POU3F2: variants seen among roughly 807,000 people sequenced by gnomAD.
POU3F2 encodes the protein POU class 3 homeobox 2.
A neutral mutation model predicts 33.1 loss-of-function variants in POU3F2; 11 were observed. The ratio of observed to expected loss-of-function variants is 0.33; its 90% CI spans 0.21 to 0.55. The LOEUF (loss-of-function observed/expected upper bound fraction) is 0.55, where lower values mean the gene tolerates loss of function less well. POU3F2 is among the 20% of genes least tolerant of loss of function. POU3F2 has a pLI of 0.91. For synonymous variants in POU3F2, 332 were observed against 289.6 expected (o/e 1.15, Z -1.49); for missense variants, 456 against 620.2 (o/e 0.74, Z 2.81).
rs1770035494 is a variant in POU3F2, at chr6:98,838,874, A to G, written c.*2669A>G. ...AAGTTTTAAGGGGGGAAAACCCTAG[A>G]CCTTAAATTGACTGAGTTGAGTTGT... On this transcript the variant is annotated 3_prime_UTR_variant, in exon 1 of 1. Transcript: ENST00000328345. 6.6e-6 allele frequency: 1 copy of G among 152,668 alleles called. No homozygotes were observed. The highest frequency in any genetic ancestry group is 1.5e-5 in the Non-Finnish European group (1 of 68,040). The allele number at this position is 152,668 out of a possible 1,614,324, so 9.5% of individuals were successfully genotyped here.
At position 98,838,669 on chromosome 6, in the gene POU3F2, T is replaced by TA. The variant is rs1196802397; in HGVS notation, c.*2470dup. ...GATGTAATTTTTTTGTTCAGTCTCT[T>TA]AAAAAATACTTTGTTTTGGTACATT... On this transcript the variant is annotated 3_prime_UTR_variant, in exon 1 of 1. Coordinates refer to ENST00000328345, the MANE Select transcript of POU3F2 (RefSeq NM_005604.4). 2 of 166,202 alleles carry TA rather than the reference T, an allele frequency of 1.2e-5. No individual in the cohort carries two copies. Among genetic ancestry groups the TA allele is most frequent in the African/African-American group, 4.8e-5 (2 of 41,554 alleles). The allele number at this position is 166,202 out of a possible 1,614,324, so 10.3% of individuals were successfully genotyped here.
In POU3F2 at chr6:98,835,230, C is replaced by T. The variant is rs1416903989; in HGVS notation, c.357C>T (p.His119=). The change falls in exon 1 of 1, where the codon CAC becomes CAT. Residue 119 remains histidine (H), a synonymous_variant. Transcript: ENST00000328345. This position sits in a 1 kb window ranked among gnomAD's most constrained non-coding sequence, Gnocchi z 9.7. ...AGGGCGGCCGCGGAGACGAGCTGCA[C>T]GGGCCAGGCGCCCTGCAGCAGCAGC... The part of the protein sequence containing the change: ...VQQGGRGDEL[H]GPGALQQQHQ... 4 of 1,531,534 alleles carry T rather than the reference C, an allele frequency of 2.6e-6. No homozygotes were observed. The highest frequency in any genetic ancestry group is 2.0e-5 in the Admixed American group (1 of 49,920). The allele number at this position is 1,531,534 out of a possible 1,614,324, so 94.9% of individuals were successfully genotyped here. A position where few individuals can be genotyped will look rare whatever the true frequency, so the allele number is the denominator to read the frequency against.
At position 98,834,871 on chromosome 6, in the gene POU3F2, G is replaced by C; in HGVS notation, c.-3G>C. On this transcript the variant is annotated 5_prime_UTR_variant, in exon 1 of 1. Transcript: ENST00000328345. ...CGGAGCGCTCAGTCCGGCTCCGAGA[G>C]TCATGGCGACCGCAGCGTCTAACCA... The C allele has an allele frequency of 6.3e-7, 1 of 1,597,276 alleles. No individual in the cohort carries two copies. The highest frequency in any genetic ancestry group is 8.5e-7 in the Non-Finnish European group (1 of 1,178,424).
In POU3F2 at chr6:98,839,368, C is replaced by A. The variant is rs939030149; in HGVS notation, c.*3163C>A. ...CAAATATCTCTTAACAAAGAATAAC[C>A]CTGATAGTATACTATTGTGAGTTTA... On this transcript the variant is annotated 3_prime_UTR_variant, in exon 1 of 1. Coordinates refer to ENST00000328345, the MANE Select transcript of POU3F2 (RefSeq NM_005604.4). 3.3e-5 allele frequency: 5 copies of A among 151,966 alleles called. No homozygotes were observed. Among genetic ancestry groups the A allele is most frequent in the African/African-American group, 9.7e-5 (4 of 41,364 alleles). 9.4% of individuals were successfully genotyped at this position (151,966 alleles called of 1,614,324 possible).
Position 98,836,382 on chromosome 6 carries a change from G to T in POU3F2, c.*177G>T. 1.3e-6 allele frequency: 1 copy of T among 777,870 alleles called. No individual in the cohort carries two copies. Among genetic ancestry groups the T allele is most frequent in the Non-Finnish European group, 1.9e-6 (1 of 512,982 alleles). 48.2% of individuals were successfully genotyped at this position (777,870 alleles called of 1,614,324 possible). A position where few individuals can be genotyped will look rare whatever the true frequency, so the allele number is the denominator to read the frequency against. On this transcript the variant is annotated 3_prime_UTR_variant, in exon 1 of 1. Coordinates refer to ENST00000328345, the MANE Select transcript of POU3F2 (RefSeq NM_005604.4). ...GCAAAAGGAAAGCAACTAAGACACT[G>T]GACTATCCTTTAAAGGTAGCAGGTG...
In POU3F2 at chr6:98,834,775, G is replaced by A. The variant is rs1769966087; in HGVS notation, c.-99G>A. The A allele has an allele frequency of 7.5e-7, 1 of 1,341,880 alleles. No individual in the cohort carries two copies. Among genetic ancestry groups the A allele is most frequent in the Non-Finnish European group, 1.0e-6 (1 of 990,766 alleles). 83.1% of individuals were successfully genotyped at this position (1,341,880 alleles called of 1,614,324 possible). The stretch of plus-strand genomic sequence containing the variant: ...GCTGCCCGCTGTGGGAGAGAGAGGA[G>A]ACAGAAAGAGCGAGCGAGGAGAGGG... On this transcript the variant is annotated 5_prime_UTR_variant, in exon 1 of 1. Coordinates refer to ENST00000328345, the MANE Select transcript of POU3F2 (RefSeq NM_005604.4).
In POU3F2 at chr6:98,836,215, G is replaced by A. The variant is rs758669972; in HGVS notation, c.*10G>A. 1.3e-6 allele frequency: 2 copies of A among 1,558,992 alleles called. No individual in the cohort carries two copies. Among genetic ancestry groups the A allele is most frequent in the South Asian group, 2.5e-5 (2 of 80,586 alleles). On this transcript the variant is annotated 3_prime_UTR_variant, in exon 1 of 1. Coordinates refer to ENST00000328345, the MANE Select transcript of POU3F2 (RefSeq NM_005604.4). ...GACGCCCGTCCAGTGAACTCGAGCT[G>A]GGGGAGGGGCAGAGCGCGGGGCTCC...
Position 98,835,455 on chromosome 6 carries a change from C to T in POU3F2, c.582C>T (p.Ser194=), listed in dbSNP as rs756856767. Residue 194 remains serine (S), a synonymous_variant, in exon 1 of 1, where the codon AGC becomes AGT. Transcript: ENST00000328345. The surrounding 1 kb of genome is among the most constrained non-coding windows in gnomAD (Gnocchi z 9.7). ...GCGGCTTGCTCTACTCGCAGCCCAG[C>T]TTCACGGTGAACGGCATGCTGGGCG... ...SNGGLLYSQP[S]FTVNGMLGAG... is the part of the protein sequence containing the mutation. The T allele has an allele frequency of 3.8e-6, 6 of 1,584,526 alleles. No homozygotes were observed. In the East Asian group the frequency reaches 1.4e-4, roughly 37 times the overall value.
Position 98,834,725 on chromosome 6 carries a change from A to G in POU3F2, c.-149A>G. ...CAGCAGTAATAGCAGGAGCAGCAAC[A>G]GAAGGCGTCGGAGCGGGCGTCGGAG... On this transcript the variant is annotated 5_prime_UTR_variant, in exon 1 of 1. Transcript: ENST00000328345. The G allele has an allele frequency of 1.2e-6, 1 of 838,476 alleles. No homozygotes were observed. Among genetic ancestry groups the G allele is most frequent in the Non-Finnish European group, 1.8e-6 (1 of 558,234 alleles). The allele number at this position is 838,476 out of a possible 1,614,324, so 51.9% of individuals were successfully genotyped here. A position where few individuals can be genotyped will look rare whatever the true frequency, so the allele number is the denominator to read the frequency against.
Position 98,835,432 on chromosome 6 carries a change from G to T in POU3F2, c.559G>T (p.Gly187Cys). Residue 187 changes from glycine to cysteine, a missense_variant, in exon 1 of 1, where the codon GGC (glycine) becomes TGC (cysteine). Transcript: ENST00000328345. The surrounding 1 kb of genome is among the most constrained non-coding windows in gnomAD (Gnocchi z 9.7). ...ACCCTCCATGGGAGCGTCCAACGGCGGCTTGCTCTACTCGCAGCCCAGCTT... is the reference window on the plus strand; with the variant it reads ...ACCCTCCATGGGAGCGTCCAACGGCTGCTTGCTCTACTCGCAGCCCAGCTT... ...LPPSMGASNG[G>C]LLYSQPSFTV... 1 of 1,587,920 alleles carries T rather than the reference G, an allele frequency of 6.3e-7. No homozygotes were observed. The highest frequency in any genetic ancestry group is 1.1e-5 in the South Asian group (1 of 88,036).
rs1769963956 is a variant in POU3F2 at position 98,834,667 on chromosome 6, A to AGGGC, written c.-199_-196dup. On this transcript the variant is annotated 5_prime_UTR_variant, in exon 1 of 1. Transcript: ENST00000328345. The stretch of plus-strand genomic sequence containing the variant: ...GAGGGAGAGGAGGAGAAAGAGAGCG[A>AGGGC]GGGCGGGCGGGAGGCGGCGGCGGCG... The AGGGC allele has an allele frequency of 1.7e-6, 1 of 598,052 alleles. No individual in the cohort carries two copies. Among genetic ancestry groups the AGGGC allele is most frequent in the Non-Finnish European group, 2.9e-6 (1 of 343,814 alleles). 37.0% of individuals were successfully genotyped at this position (598,052 alleles called of 1,614,324 possible).
rs1447262557 is a variant in POU3F2 at position 98,835,064 on chromosome 6, C to T, written c.191C>T (p.Ala64Val). 7.9e-7 allele frequency: 1 copy of T among 1,270,644 alleles called. No individual in the cohort carries two copies. 78.7% of individuals were successfully genotyped at this position (1,270,644 alleles called of 1,614,324 possible). A position where few individuals can be genotyped will look rare whatever the true frequency, so the allele number is the denominator to read the frequency against. Residue 64 changes from alanine to valine, a missense_variant, in exon 1 of 1, where the codon GCG becomes GTG. This residue lies in a region of POU3F2 where 341 missense variants were observed against 382.4 expected (regional missense o/e 0.89). Coordinates refer to ENST00000328345, the MANE Select transcript of POU3F2 (RefSeq NM_005604.4). This position sits in a 1 kb window ranked among gnomAD's most constrained non-coding sequence, Gnocchi z 9.7. ...PLSHAHQWIT[A>V]LSHGGGGGGG... ...AGCCACGCTCACCAGTGGATCACCG[C>T]GCTGTCCCACGGCGGCGGCGGCGGG...
Position 98,834,924 on chromosome 6 carries a change from C to T in POU3F2, c.51C>T (p.Ser17=), listed in dbSNP as rs2128367709. 6.2e-7 allele frequency: 1 copy of T among 1,600,528 alleles called. No individual in the cohort carries two copies. Among genetic ancestry groups the T allele is most frequent in the Non-Finnish European group, 8.5e-7 (1 of 1,179,426 alleles). ...NHYSLLTSSA[S]IVHAEPPGGM... is the part of the protein sequence containing the mutation. ...ACAGCCTGCTCACCTCCAGCGCCTCCATCGTGCACGCCGAGCCGCCCGGCG... is the reference window on the plus strand; with the variant it reads ...ACAGCCTGCTCACCTCCAGCGCCTCTATCGTGCACGCCGAGCCGCCCGGCG... The change falls in exon 1 of 1, where the codon TCC becomes TCT. Residue 17 remains serine, a synonymous_variant. Transcript: ENST00000328345.
Position 98,835,296 on chromosome 6 carries a change from ACAGCAGCAGCAG to A in POU3F2, c.432_443del (p.Gln146_Gln149del). ...AGCAACAGCAGCAGCAACAGCAGCA[ACAGCAGCAGCAG>A]CAGCAGCAACAGCGGCCGCCGCATC... On this transcript the variant is annotated inframe_deletion, in exon 1 of 1. Transcript: ENST00000328345. This position sits in a 1 kb window ranked among gnomAD's most constrained non-coding sequence, Gnocchi z 9.7. The A allele has an allele frequency of 6.5e-7, 1 of 1,544,434 alleles. No homozygotes were observed.
Position 98,837,102 on chromosome 6 carries a change from G to A in POU3F2, c.*897G>A, listed in dbSNP as rs1770009603. ...GTTTGGAATATAAAAATAAGCATTGGTTGTTCTTACCAGCCACAAAGTAAA... is the reference window on the plus strand; with the variant it reads ...GTTTGGAATATAAAAATAAGCATTGATTGTTCTTACCAGCCACAAAGTAAA... On this transcript the variant is annotated 3_prime_UTR_variant, in exon 1 of 1. Coordinates refer to ENST00000328345, the MANE Select transcript of POU3F2 (RefSeq NM_005604.4). 1 of 167,056 alleles carries A rather than the reference G, an allele frequency of 6.0e-6. No individual in the cohort carries two copies. The allele number at this position is 167,056 out of a possible 1,614,324, so 10.3% of individuals were successfully genotyped here. A position where few individuals can be genotyped will look rare whatever the true frequency, so the allele number is the denominator to read the frequency against.
Position 98,835,155 on chromosome 6 carries a change from C to T in POU3F2, c.282C>T (p.Ser94=). Residue 94 remains serine (S), a synonymous_variant, in exon 1 of 1, where the codon TCC becomes TCT. Coordinates refer to ENST00000328345, the MANE Select transcript of POU3F2 (RefSeq NM_005604.4). This position sits in a 1 kb window ranked among gnomAD's most constrained non-coding sequence, Gnocchi z 9.7. The part of the protein sequence containing the change: ...GGGGGDGSPW[S]TSPLGQPDIK... ...GCGGCGGCGACGGCTCCCCGTGGTC[C>T]ACCAGCCCCCTGGGCCAGCCGGACA... 7.1e-7 allele frequency: 1 copy of T among 1,403,910 alleles called. No individual in the cohort carries two copies. The highest frequency in any genetic ancestry group is 9.3e-7 in the Non-Finnish European group (1 of 1,077,060). 87.0% of individuals were successfully genotyped at this position (1,403,910 alleles called of 1,614,324 possible).
In POU3F2 at chr6:98,834,962, G is replaced by T; in HGVS notation, c.89G>T (p.Gly30Val). ...GAGCCGCCCGGCGGCATGCAGCAGG[G>T]CGCGGGGGGCTACCGCGAAGCGCAG... ...HAEPPGGMQQ[G>V]AGGYREAQSL... Residue 30 changes from glycine (G) to valine (V), a missense_variant, in exon 1 of 1, where the codon GGC (glycine) becomes GTC (valine). Coordinates refer to ENST00000328345, the MANE Select transcript of POU3F2 (RefSeq NM_005604.4). 1 of 1,599,424 alleles carries T rather than the reference G, an allele frequency of 6.3e-7. No homozygotes were observed.
chr6:98,835,122 C>A lies in POU3F2; in HGVS notation c.249C>A (p.Gly83=). Residue 83 remains glycine, a synonymous_variant, in exon 1 of 1, where the codon GGC becomes GGA. Coordinates refer to ENST00000328345, the MANE Select transcript of POU3F2 (RefSeq NM_005604.4). The surrounding 1 kb of genome is among the most constrained non-coding windows in gnomAD (Gnocchi z 9.7). ...GCGGCGGCGGGGGGGGCGGGGGCGGCGGCGGGGGCGGCGGCGACGGCTCCC... is the reference window on the plus strand; with the variant it reads ...GCGGCGGCGGGGGGGGCGGGGGCGGAGGCGGGGGCGGCGGCGACGGCTCCC... ...GGGGGGGGGG[G]GGGGGDGSPW... 1 of 1,188,672 alleles carries A rather than the reference C, an allele frequency of 8.4e-7. No homozygotes were observed. The highest frequency in any genetic ancestry group is 1.0e-6 in the Non-Finnish European group (1 of 961,410). 73.6% of individuals were successfully genotyped at this position (1,188,672 alleles called of 1,614,324 possible). A position where few individuals can be genotyped will look rare whatever the true frequency, so the allele number is the denominator to read the frequency against.
At position 98,836,688 on chromosome 6, in the gene POU3F2, C is replaced by T. The variant is rs1770003782; in HGVS notation, c.*483C>T. On this transcript the variant is annotated 3_prime_UTR_variant, in exon 1 of 1. Coordinates refer to ENST00000328345, the MANE Select transcript of POU3F2 (RefSeq NM_005604.4). ...CCATCAGGAAAGAGGAAAAAATACA[C>T]ATGTTCTTTCATATAGGCAAAATTT... The T allele has an allele frequency of 6.0e-6, 1 of 167,760 alleles. No homozygotes were observed. The highest frequency in any genetic ancestry group is 1.5e-5 in the Non-Finnish European group (1 of 68,626). The allele number at this position is 167,760 out of a possible 1,614,324, so 10.4% of individuals were successfully genotyped here.
Sources: gnomAD v4.1 joint callset for allele counts on GRCh38, gnomAD v4.1.1 for gene constraint, gnomAD v4.1.1 regional missense constraint, Gnocchi (gnomAD v3.1) non-coding constraint, MANE v1.5 for transcripts, NCBI Gene and HGNC (gene_info 2026-07-23, HGNC 2026-07-21) for gene names.